Variants in SYNE3 observed in about 807,000 individuals in gnomAD.
The protein encoded by SYNE3 is nesprin-3.
Under a neutral mutation model 111.2 loss-of-function variants are expected in SYNE3, and 100 were observed. The ratio of observed to expected loss-of-function variants is 0.90; its 90% CI spans 0.77 to 1.06. The LOEUF (loss-of-function observed/expected upper bound fraction) is 1.06, where lower values mean the gene tolerates loss of function less well. Among genes scored for constraint, SYNE3 ranks in the 50% least tolerant of loss-of-function variants. SYNE3 has a pLI of 0.00. For synonymous variants in SYNE3, 547 were observed against 533.9 expected (o/e 1.02, Z -0.34); for missense variants, 1,160 against 1,240.3 (o/e 0.94, Z 0.97).
At chr14:95,504,048 C>A (rs1221619182) in intron 1 of SYNE3, among the ~76,000 whole-genome samples, 2 of 152,168 alleles carry the variant, frequency 1.3e-5, no homozygotes, top group Non-Finnish European at 2.9e-5. Flanking sequence ...TGTTTCTGTA[C>A]AGCTGTTGAG....
rs1186608873 is a variant in SYNE3, at chr14:95,439,671, C to A, written c.2187G>T (p.Glu729Asp). 1 of 1,613,950 alleles carries A rather than the reference C, an allele frequency of 6.2e-7. No individual in the cohort carries two copies. Residue 729 changes from glutamate (E) to aspartate (D), a missense_variant, in exon 13 of 18, where the codon GAG becomes GAT. By Grantham distance (45) the Glu-to-Asp change is conservative. Transcript: ENST00000682763. Reference sequence around the variant, plus strand: ...GCCACGACTCTGCCAGCTCCCTGAGCTCCTCCTGCACCACGGCAGCACCCT... The same window carrying A: ...GCCACGACTCTGCCAGCTCCCTGAGATCCTCCTGCACCACGGCAGCACCCT... ...SPEGAAVVQE[E>D]LRELAESWRA...
intron 1 of SYNE3, among the ~76,000 whole-genome samples, chr14:95,490,114 C>T (rs952929969): frequency 2.0e-5 from 3 of 152,208 alleles, no homozygotes; most frequent in Non-Finnish European, 2.9e-5. Flanking sequence ...GACAAGGCAA[C>T]GTCCGATTCA....
intron 17 of SYNE3, among the ~76,000 whole-genome samples, chr14:95,424,292 G>A (rs1253608560): frequency 6.6e-6 from 1 of 151,890 alleles, no homozygotes; most frequent in Non-Finnish European, 1.5e-5. Flanking sequence ...GCCAGGGAGA[G>A]CCACCCACCA....
Position 95,452,263 on chromosome 14 carries a change from T to C in SYNE3, c.1258A>G (p.Ile420Val). 7 of 1,610,904 alleles carry C rather than the reference T, an allele frequency of 4.3e-6. No homozygotes were observed. The highest frequency in any genetic ancestry group is 5.9e-6 in the Non-Finnish European group (7 of 1,177,734). ...CCCAGATACCTCTGATACTCCTGGA[T>C]GGTAGCGATGACACTATCAGAGAGT... is the stretch of plus-strand genomic sequence containing the variant. ...KPLSDSVIAT[I>V]QEYQSLKVKS... The change falls in exon 7 of 18, where the codon ATC becomes GTC. Residue 420 changes from isoleucine (I) to valine (V), a missense_variant. Physicochemically the swap from Ile to Val is conservative, Grantham distance 29. Coordinates refer to ENST00000682763, the MANE Select transcript of SYNE3 (RefSeq NM_152592.6).
At position 95,416,883 on chromosome 14, in the gene SYNE3, A is replaced by G. The variant is rs1178383697; in HGVS notation, c.*943T>C. On this transcript the variant is annotated 3_prime_UTR_variant, in exon 18 of 18. Coordinates refer to ENST00000682763, the MANE Select transcript of SYNE3 (RefSeq NM_152592.6). ...ACTCAGTCCAGGAGCAACAGAGGAA[A>G]CACATCTTTCCTGGGCACTGCCAGT... 6.6e-6 allele frequency: 1 copy of G among 152,298 alleles called. No individual in the cohort carries two copies. The highest frequency in any genetic ancestry group is 1.5e-5 in the Non-Finnish European group (1 of 68,054). 9.4% of individuals were successfully genotyped at this position (152,298 alleles called of 1,614,324 possible).
At chr14:95,492,913 T>C (rs978603099) in intron 1 of SYNE3, among the ~76,000 whole-genome samples, 1 of 152,204 alleles carries the variant, frequency 6.6e-6, no homozygotes, top group African/African-American at 2.4e-5. Context: ...ATATGAATTA[T>C]ATCTCAATAA....
At chr14:95,515,699 G>A (rs960781213) in intron 1 of SYNE3, among the ~76,000 whole-genome samples, 18 of 152,206 alleles carry the variant, frequency 1.2e-4, no homozygotes, top group Non-Finnish European at 2.6e-4. Context: ...CCCAGTGCAG[G>A]GATAAGGGTG....
intron 7 of SYNE3, 118 bp downstream of exon 7, chr14:95,452,129 A>C: frequency 7.9e-7 from 1 of 1,265,520 alleles, no homozygotes; most frequent in Non-Finnish European, 1.1e-6. Context: ...ATTGAGAGGT[A>C]CAAAGAATGA....
At chr14:95,457,388 C>T (rs377400859) in intron 4 of SYNE3, 50 bp from the exon 5 acceptor site, 529 of 1,594,202 alleles carry the variant, frequency 3.3e-4, no homozygotes, top group Non-Finnish European at 4.1e-4. Flanking sequence ...GCCCAGACAG[C>T]CCAAAGGCCA....
intron 1 of SYNE3, among the ~76,000 whole-genome samples, chr14:95,489,452 T>C (rs1889729292): frequency 6.6e-6 from 1 of 152,256 alleles, no homozygotes; most frequent in Non-Finnish European, 1.5e-5. Flanking sequence ...CATTTGAACA[T>C]AAACTGCCTC....
chr14:95,444,308 A>G (rs1268799249), intron 10 of SYNE3, 177 bp downstream of exon 10: 7 of 803,480 alleles, frequency 8.7e-6, no homozygotes, highest in Non-Finnish European at 1.3e-5. Flanking sequence ...GAGGTCAGGA[A>G]CCATCAGATA....
chr14:95,454,351 A>G (rs74079977), intron 6 of SYNE3, among the ~76,000 whole-genome samples: 4,877 of 152,354 alleles, frequency 0.032, 235 homozygotes, highest in African/African-American at 0.11. Context: ...TGGATGTATA[A>G]CCACAGGCAA....
chr14:95,481,926 G>A (rs142007867), intron 1 of SYNE3, among the ~76,000 whole-genome samples: 246 of 152,372 alleles, frequency 1.6e-3, no homozygotes, highest in African/African-American at 4.6e-3. Context: ...GGGTCAGCAC[G>A]TGGATTGCCA....
intron 1 of SYNE3, among the ~76,000 whole-genome samples, chr14:95,510,461 A>C (rs572952150): frequency 1.1e-4 from 16 of 152,342 alleles, no homozygotes; most frequent in African/African-American, 3.8e-4. Flanking sequence ...GAGGGAAGGC[A>C]GGAAGAATAT....
intron 14 of SYNE3, chr14:95,438,083 T>G (rs1886199118): frequency 6.6e-6 from 1 of 152,142 alleles, no homozygotes; most frequent in African/African-American, 2.4e-5. Context: ...TTTTTGTTGA[T>G]TGATTGATTG....
At chr14:95,469,328 T>C (rs1888380166) in intron 2 of SYNE3, among the ~76,000 whole-genome samples, 1 of 151,840 alleles carries the variant, frequency 6.6e-6, no homozygotes, top group Non-Finnish European at 1.5e-5. Flanking sequence ...CTACTCTGGG[T>C]CTCCCTTTTT....
intron 8 of SYNE3, chr14:95,449,508 A>C: frequency 2.0e-6 from 2 of 985,470 alleles, no homozygotes; most frequent in Non-Finnish European, 2.4e-6. Flanking sequence ...AGAACTACAA[A>C]GGGCTTGGTC....
intron 4 of SYNE3, among the ~76,000 whole-genome samples, chr14:95,461,857 T>C (rs1887842270): frequency 6.6e-6 from 1 of 152,160 alleles, no homozygotes; most frequent in Non-Finnish European, 1.5e-5. Flanking sequence ...CCACCAAGGA[T>C]CTCTGCAGGC....
At chr14:95,506,821 T>C (rs1890544934) in intron 1 of SYNE3, among the ~76,000 whole-genome samples, 1 of 152,124 alleles carries the variant, frequency 6.6e-6, no homozygotes, top group Non-Finnish European at 1.5e-5. Flanking sequence ...ACAGGTGTGA[T>C]ACCCAGGCCC....
Sources: gnomAD v4.1 joint callset for allele counts (sites outside exome capture counted in the v4.1 genomes callset) on GRCh38, gnomAD v4.1.1 for gene constraint, MANE v1.5 for transcripts, NCBI Gene and HGNC (gene_info 2026-07-23, HGNC 2026-07-21) for gene names.